GRID2: variants seen among roughly 807,000 people sequenced by gnomAD.
GRID2 encodes glutamate receptor ionotropic, delta-2.
Under a neutral mutation model 114.8 loss-of-function variants are expected in GRID2, and 33 were observed. The ratio of observed to expected loss-of-function variants is 0.29; its 90% CI spans 0.22 to 0.38. The LOEUF is 0.38. GRID2 is among the 10% of genes least tolerant of loss of function. The probability of loss-of-function intolerance (pLI) is 1.00; values close to 1 mark genes in which losing one functional copy is unlikely to be tolerated. For missense variants in GRID2, 1,184 were observed against 1,257.7 expected (o/e 0.94, Z 0.89); for synonymous variants, 505 against 449.9 (o/e 1.12, Z -1.55).
At chr4:93,264,282 A>G (rs1286915000) in intron 8 of GRID2, among the ~76,000 whole-genome samples, 1 of 152,182 alleles carries the variant, frequency 6.6e-6, no homozygotes, top group Non-Finnish European at 1.5e-5. Flanking sequence ...CAGGTAATTT[A>G]TAAGCAAAGG....
At chr4:93,700,392 G>A (rs1288211055) in intron 14 of GRID2, among the ~76,000 whole-genome samples, 3 of 152,056 alleles carry the variant, frequency 2.0e-5, no homozygotes, top group Non-Finnish European at 4.4e-5. Flanking sequence ...ATTCACTCTT[G>A]AACATTTCGA....
chr4:93,791,351 T>G (rs1734691051), intron 1 of GRID2, among the ~76,000 whole-genome samples: 1 of 152,192 alleles, frequency 6.6e-6, no homozygotes, highest in Non-Finnish European at 1.5e-5. Context: ...TGATCTTAAA[T>G]ATGTCTAGAA....
At chr4:92,933,224 T>C (rs1374329751) in intron 2 of GRID2, among the ~76,000 whole-genome samples, 2 of 151,180 alleles carry the variant, frequency 1.3e-5, no homozygotes, top group Non-Finnish European at 3.0e-5. Context: ...TGTGGAAATA[T>C]ATTCTTAAAA....
intron 2 of GRID2, among the ~76,000 whole-genome samples, chr4:93,035,049 C>T (rs963093652): frequency 2.0e-5 from 3 of 151,424 alleles, no homozygotes; most frequent in Admixed American, 6.6e-5. Flanking sequence ...AGCTCAGGTC[C>T]GTGTGTTAAA....
intron 2 of GRID2, among the ~76,000 whole-genome samples, chr4:92,645,598 T>C (rs930320357): frequency 2.0e-5 from 3 of 151,622 alleles, no homozygotes; most frequent in African/African-American, 4.8e-5. Flanking sequence ...GATCAGGATA[T>C]AGATTTCTAT....
chr4:92,978,875 TAGCC>T (rs1036537128), intron 2 of GRID2, among the ~76,000 whole-genome samples: 1 of 151,866 alleles, frequency 6.6e-6, no homozygotes, highest in African/African-American at 2.4e-5. Context: ...AATAAAAAAT[TAGCC>T]AGACATGGTG....
At chr4:93,677,329 T>C (rs1724988122) in intron 14 of GRID2, among the ~76,000 whole-genome samples, 1 of 152,178 alleles carries the variant, frequency 6.6e-6, no homozygotes, top group African/African-American at 2.4e-5. Flanking sequence ...CCTGCCTCTG[T>C]AGGCTCCACC....
At chr4:92,448,787 C>T (rs976659352) in intron 1 of GRID2, among the ~76,000 whole-genome samples, 6 of 151,936 alleles carry the variant, frequency 3.9e-5, no homozygotes, top group African/African-American at 1.5e-4. Flanking sequence ...AGCATAAACA[C>T]ATTTAAATAT....
At chr4:92,652,142 G>A (rs1205505738) in intron 2 of GRID2, among the ~76,000 whole-genome samples, 2 of 152,000 alleles carry the variant, frequency 1.3e-5, no homozygotes, top group Non-Finnish European at 1.5e-5. Flanking sequence ...AGTTTATTAT[G>A]GGCAGAACAA....
chr4:93,103,090 G>A (rs145526349), intron 3 of GRID2, among the ~76,000 whole-genome samples: 63 of 152,086 alleles, frequency 4.1e-4, no homozygotes, highest in African/African-American at 1.3e-3. Context: ...AGGGCTTGCC[G>A]CTGACTACCT....
At chr4:92,739,385 G>C (rs1275709948) in intron 2 of GRID2, among the ~76,000 whole-genome samples, 1 of 151,932 alleles carries the variant, frequency 6.6e-6, no homozygotes, top group African/African-American at 2.4e-5. Context: ...TTATATCAGC[G>C]GCAGTGATGT....
chr4:92,887,508 C>A (rs1488943146), intron 2 of GRID2, among the ~76,000 whole-genome samples: 1 of 149,914 alleles, frequency 6.7e-6, no homozygotes, highest in Non-Finnish European at 1.5e-5. Context: ...TCATTGTGCA[C>A]CCCTCTCAAG....
intron 1 of GRID2, among the ~76,000 whole-genome samples, chr4:92,526,800 T>C (rs1004755321): frequency 2.0e-5 from 3 of 151,990 alleles, no homozygotes; most frequent in African/African-American, 7.2e-5. Flanking sequence ...TGACTTATGA[T>C]TTTTCAATGT....
At chr4:92,621,060 C>T (rs1294498700) in intron 2 of GRID2, among the ~76,000 whole-genome samples, 2 of 148,438 alleles carry the variant, frequency 1.3e-5, no homozygotes, top group Admixed American at 6.7e-5. Context: ...TTTTTTCTGA[C>T]TTTTAAGTTG....
At chr4:93,053,933 A>C (rs1206199731) in intron 2 of GRID2, among the ~76,000 whole-genome samples, 3 of 151,900 alleles carry the variant, frequency 2.0e-5, no homozygotes, top group Non-Finnish European at 4.4e-5. Context: ...GAAGTTTTGC[A>C]TCTCAATCTA....
intron 1 of GRID2, among the ~76,000 whole-genome samples, chr4:92,508,666 G>C (rs575212476): frequency 3.8e-4 from 58 of 152,056 alleles, no homozygotes; most frequent in Admixed American, 1.2e-3. Flanking sequence ...GGAAAGAAAA[G>C]TTCTAGAAGA....
chr4:93,110,646 A>G, intron 3 of GRID2, 102 bp from the exon 4 acceptor site: 1 of 786,856 alleles, frequency 1.3e-6, no homozygotes, highest in Non-Finnish European at 2.2e-6. Context: ...TAGACAGCCT[A>G]CAGTGTGGAA....
intron 8 of GRID2, among the ~76,000 whole-genome samples, chr4:93,347,270 G>C (rs1358306433): frequency 6.6e-6 from 1 of 151,700 alleles, no homozygotes; most frequent in Non-Finnish European, 1.5e-5. Flanking sequence ...TATCATTTAG[G>C]CATTTTTGCT....
At chr4:92,607,228 A>G (rs541469376) in intron 2 of GRID2, among the ~76,000 whole-genome samples, 1 of 152,148 alleles carries the variant, frequency 6.6e-6, no homozygotes, top group African/African-American at 2.4e-5. Flanking sequence ...TGAAGGAAAC[A>G]TCACTATTTT....
Sources: gnomAD v4.1 joint callset for allele counts (sites outside exome capture counted in the v4.1 genomes callset) on GRCh38, gnomAD v4.1.1 for gene constraint, MANE v1.5 for transcripts, NCBI Gene and HGNC (gene_info 2026-07-23, HGNC 2026-07-21) for gene names.